TSPAN18: variants seen among roughly 807,000 people sequenced by gnomAD.
TSPAN18 encodes tetraspanin 18, also known as tetraspanin-18.
TSPAN18 carries 14 observed loss-of-function variants against 27.3 expected under a neutral mutation model. The observed-to-expected ratio is 0.51, with a 90% CI of 0.34 to 0.80. The LOEUF (loss-of-function observed/expected upper bound fraction) is 0.80. TSPAN18 is among the 30% of genes least tolerant of loss of function. TSPAN18 has a pLI of 0.01. For synonymous variants in TSPAN18, 143 were observed against 136.5 expected (o/e 1.05, Z -0.33); for missense variants, 268 against 323.9 (o/e 0.83, Z 1.32).
At chr11:44,744,267 T>C (rs1170461825) in intron 1 of TSPAN18, among the ~76,000 whole-genome samples, 1 of 152,226 alleles carries the variant, frequency 6.6e-6, no homozygotes, top group Non-Finnish European at 1.5e-5. Flanking sequence ...AGAAAACCTC[T>C]TTCTTCTAGC....
At position 44,929,372 on chromosome 11, in the gene TSPAN18, G is replaced by A. The variant is rs771792598; in HGVS notation, c.*194G>A. ...AATGAAGACAAAAATATGGACTGAT[G>A]TATCCTCGCCTGGACTCAGGGCAGG... is the stretch of plus-strand genomic sequence containing the variant. On this transcript the variant is annotated 3_prime_UTR_variant, in exon 10 of 10. Coordinates refer to ENST00000520358, the MANE Select transcript of TSPAN18 (RefSeq NM_130783.5). 1 of 684,340 alleles carries A rather than the reference G, an allele frequency of 1.5e-6. No individual in the cohort carries two copies. The allele number at this position is 684,340 out of a possible 1,614,324, so 42.4% of individuals were successfully genotyped here. A position where few individuals can be genotyped will look rare whatever the true frequency, so the allele number is the denominator to read the frequency against.
At chr11:44,872,084 G>A (rs532454957) in intron 3 of TSPAN18, among the ~76,000 whole-genome samples, 8 of 151,996 alleles carry the variant, frequency 5.3e-5, no homozygotes, top group South Asian at 4.2e-4. Flanking sequence ...CCACCACCAC[G>A]CCTGGCTAAT....
chr11:44,846,628 A>G (rs372495163), intron 2 of TSPAN18, among the ~76,000 whole-genome samples: 5 of 144,276 alleles, frequency 3.5e-5, no homozygotes, highest in African/African-American at 1.4e-4. Context: ...CTATGTGTCT[A>G]TGTCTGTGTG....
chr11:44,831,797 G>C (rs1343080463), intron 2 of TSPAN18, among the ~76,000 whole-genome samples: 1 of 152,198 alleles, frequency 6.6e-6, no homozygotes, highest in Non-Finnish European at 1.5e-5. Context: ...TGGTTAGGCC[G>C]AGAAGGCAGG....
chr11:44,910,196 C>G (rs952982055), intron 5 of TSPAN18, among the ~76,000 whole-genome samples: 4 of 152,366 alleles, frequency 2.6e-5, no homozygotes, highest in Admixed American at 2.0e-4. Context: ...CTGCCTCTTC[C>G]CATGCCTTTG....
chr11:44,827,388 G>A (rs1375304287), intron 2 of TSPAN18, among the ~76,000 whole-genome samples: 2 of 152,248 alleles, frequency 1.3e-5, no homozygotes, highest in Non-Finnish European at 2.9e-5. Flanking sequence ...CTTGGACCCT[G>A]AATGTCTGTG....
intron 2 of TSPAN18, among the ~76,000 whole-genome samples, chr11:44,833,247 G>A (rs1019153439): frequency 2.0e-5 from 3 of 151,934 alleles, no homozygotes; most frequent in African/African-American, 7.3e-5. Flanking sequence ...AGTAACCTTG[G>A]GCAAGTAGCT....
intron 2 of TSPAN18, among the ~76,000 whole-genome samples, chr11:44,855,450 G>A (rs140209823): frequency 4.6e-5 from 7 of 152,252 alleles, no homozygotes; most frequent in Admixed American, 6.5e-5. Context: ...GCAAGCATTC[G>A]ACAATCACTA....
chr11:44,845,791 T>C (rs913013415), intron 2 of TSPAN18, among the ~76,000 whole-genome samples: 1 of 152,148 alleles, frequency 6.6e-6, no homozygotes, highest in Non-Finnish European at 1.5e-5. Context: ...TCCTTGACAC[T>C]CTCCAGGGCA....
chr11:44,824,608 A>C (rs1280642668), intron 2 of TSPAN18, among the ~76,000 whole-genome samples: 2 of 152,166 alleles, frequency 1.3e-5, no homozygotes, highest in Non-Finnish European at 2.9e-5. Flanking sequence ...CAATGGGAGG[A>C]AGGAGAAAGC....
intron 1 of TSPAN18, among the ~76,000 whole-genome samples, chr11:44,741,248 C>T (rs1854925543): frequency 6.6e-6 from 1 of 152,168 alleles, no homozygotes; most frequent in South Asian, 2.1e-4. Flanking sequence ...CATTTCCTCC[C>T]TTTCATTTGA....
chr11:44,813,475 G>A (rs963979368), intron 2 of TSPAN18, among the ~76,000 whole-genome samples: 5 of 152,222 alleles, frequency 3.3e-5, no homozygotes, highest in African/African-American at 1.2e-4. Flanking sequence ...GTGGTTATGA[G>A]CACAGTGTGA....
At chr11:44,771,896 T>C (rs1454537341) in intron 2 of TSPAN18, among the ~76,000 whole-genome samples, 2 of 152,216 alleles carry the variant, frequency 1.3e-5, no homozygotes, top group Non-Finnish European at 2.9e-5. Flanking sequence ...TTCTAAGAGA[T>C]GACTGTTTAT....
intron 2 of TSPAN18, among the ~76,000 whole-genome samples, chr11:44,812,996 C>G (rs1192837062): frequency 6.6e-6 from 1 of 152,236 alleles, no homozygotes; most frequent in African/African-American, 2.4e-5. Flanking sequence ...CGACACCAGG[C>G]CTGCTCTTTC....
chr11:44,867,442 A>C (rs1193118632), intron 3 of TSPAN18, among the ~76,000 whole-genome samples: 1 of 110,632 alleles, frequency 9.0e-6, no homozygotes, highest in Non-Finnish European at 1.7e-5. Context: ...TCTGTCACCC[A>C]GGCTGGAGTG....
intron 2 of TSPAN18, among the ~76,000 whole-genome samples, chr11:44,844,240 CT>C (rs1335330401): frequency 6.6e-6 from 1 of 152,080 alleles, no homozygotes; most frequent in African/African-American, 2.4e-5. Flanking sequence ...TATATGACAA[CT>C]TATCATTTTT....
intron 1 of TSPAN18, among the ~76,000 whole-genome samples, chr11:44,745,855 G>A (rs1455712298): frequency 3.9e-5 from 6 of 152,230 alleles, no homozygotes; most frequent in South Asian, 4.1e-4. Context: ...GTGAAACCCC[G>A]TCTCTACTAA....
chr11:44,876,216 C>G (rs1438676673), intron 3 of TSPAN18, among the ~76,000 whole-genome samples: 1 of 152,222 alleles, frequency 6.6e-6, no homozygotes, highest in African/African-American at 2.4e-5. Context: ...GAAGATCACC[C>G]TGGCTCATTC....
Position 44,800,006 on chromosome 11 carries a change from GTTT to G in TSPAN18, c.-153+35514_-153+35516del, listed in dbSNP as rs60067559. Among the ~76,000 whole-genome samples the G allele has an allele frequency of 8.0e-4, 88 of 109,368 alleles. 1 individual carries two copies. Among genetic ancestry groups the G allele is most frequent in the African/African-American group, 2.8e-3 (77 of 27,880 alleles). 71.7% of individuals were successfully genotyped at this position (109,368 alleles called of 152,430 possible). ...CCACCACACCCGGCTAATTTTTTGT[GTTT>G]TTTTTTTTTTTTTTTTTTTGTATTT... On this transcript the variant is annotated intron_variant, in intron 2 of 9. Coordinates refer to ENST00000520358, the MANE Select transcript of TSPAN18 (RefSeq NM_130783.5).
Sources: gnomAD v4.1 joint callset for allele counts (sites outside exome capture counted in the v4.1 genomes callset) on GRCh38, gnomAD v4.1.1 for gene constraint, MANE v1.5 for transcripts, NCBI Gene and HGNC (gene_info 2026-07-23, HGNC 2026-07-21) for gene names.